DISC1: variants seen among roughly 807,000 people sequenced by gnomAD.
DISC1 encodes the protein disrupted in schizophrenia 1 protein.
A neutral mutation model predicts 84.5 loss-of-function variants in DISC1; 57 were observed. The ratio of observed to expected loss-of-function variants is 0.67; its 90% CI spans 0.55 to 0.84. The LOEUF is 0.84. DISC1 is among the 40% of genes least tolerant of loss of function. The pLI is 0.00. For synonymous variants in DISC1, 411 were observed against 415.2 expected, an observed-to-expected ratio of 0.99 and a Z score of 0.12; for missense variants, 1,000 against 1,057.8, an observed-to-expected ratio of 0.95 and a Z score of 0.76.
intron 6 of DISC1, among the ~76,000 whole-genome samples, chr1:231,788,518 C>G (rs1043368255): frequency 1.8e-4 from 28 of 152,246 alleles, no homozygotes; most frequent in Non-Finnish European, 2.9e-4. Flanking sequence ...TTGCAACAAC[C>G]CTATTTCCAA....
chr1:231,928,213 G>A (rs941503082), intron 9 of DISC1, among the ~76,000 whole-genome samples: 6 of 152,208 alleles, frequency 3.9e-5, no homozygotes, highest in African/African-American at 1.2e-4. Context: ...ATTAAAACTG[G>A]AGAGGCAAGG....
chr1:232,004,973 C>CTTCT (rs1667207890), intron 10 of DISC1, among the ~76,000 whole-genome samples: 3 of 111,122 alleles, frequency 2.7e-5, no homozygotes, highest in South Asian at 3.1e-4. Flanking sequence ...TCCTTCTTCC[C>CTTCT]TTCCTTCCAT....
intron 9 of DISC1, among the ~76,000 whole-genome samples, chr1:231,856,669 T>G (rs1233623352): frequency 2.0e-5 from 3 of 152,154 alleles, no homozygotes; most frequent in Non-Finnish European, 4.4e-5. Context: ...ATGATAATGG[T>G]TCCCAGTGCT....
At chr1:231,905,246 A>G (rs558037873) in intron 9 of DISC1, among the ~76,000 whole-genome samples, 5 of 152,314 alleles carry the variant, frequency 3.3e-5, no homozygotes, top group African/African-American at 1.2e-4. Flanking sequence ...ATGAGTAAAT[A>G]CCAGGGAAAC....
chr1:231,900,788 G>A (rs1450946261), intron 9 of DISC1, among the ~76,000 whole-genome samples: 3 of 152,166 alleles, frequency 2.0e-5, no homozygotes, highest in East Asian at 1.9e-4. Flanking sequence ...AAGGCAACTG[G>A]TAGTCTTCTA....
At chr1:231,665,323 G>C (rs559006104) in intron 1 of DISC1, among the ~76,000 whole-genome samples, 3 of 151,614 alleles carry the variant, frequency 2.0e-5, no homozygotes, top group African/African-American at 7.2e-5. Flanking sequence ...TTTTGTGTTT[G>C]GAGCAATACT....
At chr1:231,992,284 G>A (rs1665308489) in intron 10 of DISC1, among the ~76,000 whole-genome samples, 1 of 152,124 alleles carries the variant, frequency 6.6e-6, no homozygotes, top group Non-Finnish European at 1.5e-5. Flanking sequence ...TCTTTATATT[G>A]GATGCAAATC....
At chr1:231,722,037 C>T (rs1387421227) in intron 3 of DISC1, among the ~76,000 whole-genome samples, 2 of 151,416 alleles carry the variant, frequency 1.3e-5, no homozygotes, top group East Asian at 1.9e-4. Flanking sequence ...CCTGTAATCC[C>T]GGCTACTCGG....
intron 6 of DISC1, among the ~76,000 whole-genome samples, chr1:231,782,029 C>T (rs1392470829): frequency 6.6e-6 from 1 of 152,162 alleles, no homozygotes; most frequent in Non-Finnish European, 1.5e-5. Context: ...CTAAGATGAC[C>T]CAAAGCAAAG....
intron 10 of DISC1, among the ~76,000 whole-genome samples, chr1:232,002,457 C>G (rs1666812027): frequency 6.6e-6 from 1 of 152,088 alleles, no homozygotes; most frequent in Non-Finnish European, 1.5e-5. Context: ...CATAATATCC[C>G]CACACTAGGA....
chr1:231,958,785 G>T, intron 9 of DISC1, 43 bp from the exon 10 acceptor site: 1 of 1,575,490 alleles, frequency 6.3e-7, no homozygotes, highest in Non-Finnish European at 8.7e-7. Context: ...ATTCAATTGT[G>T]ACTGCAGTTG....
chr1:231,673,619 T>A (rs1335227151), intron 1 of DISC1, among the ~76,000 whole-genome samples: 2 of 152,236 alleles, frequency 1.3e-5, no homozygotes, highest in East Asian at 3.8e-4. Flanking sequence ...CTAGAAAAGA[T>A]CTTTCATTAG....
intron 10 of DISC1, among the ~76,000 whole-genome samples, chr1:231,970,727 G>A (rs553657195): frequency 6.6e-6 from 1 of 152,214 alleles, no homozygotes; most frequent in African/African-American, 2.4e-5. Context: ...CATTAAACAG[G>A]TTCCACTGTG....
At chr1:231,642,419 T>C (rs2059797799) in intron 1 of DISC1, among the ~76,000 whole-genome samples, 1 of 152,036 alleles carries the variant, frequency 6.6e-6, no homozygotes, top group Non-Finnish European at 1.5e-5. Context: ...GCAGAGGAGG[T>C]GCCGAGAGCG....
intron 3 of DISC1, chr1:231,721,052 C>G: frequency 3.1e-6 from 4 of 1,290,862 alleles, no homozygotes; most frequent in Non-Finnish European, 4.0e-6. Flanking sequence ...GGAACTTTTC[C>G]CAGCTTTTTT....
rs538406098 is a variant in DISC1 at position 231,859,439 on chromosome 1, C to G, written c.1981+40922C>G. On this transcript the variant is annotated intron_variant, in intron 9 of 12. Transcript: ENST00000439617. ...CATAGATGGTGCCTTTTCAATATGT[C>G]CTCCCATTCTGGAAGGGGCGAGGGA... is the stretch of plus-strand genomic sequence containing the variant. Among the ~76,000 whole-genome samples, 3 of 152,270 alleles carry G rather than the reference C, an allele frequency of 2.0e-5. No homozygotes were observed. In the South Asian group the frequency reaches 6.2e-4, roughly 32 times the overall value.
intron 12 of DISC1, among the ~76,000 whole-genome samples, chr1:232,032,380 A>G (rs770372903): frequency 1.3e-5 from 2 of 152,168 alleles, no homozygotes; most frequent in African/African-American, 4.8e-5. Flanking sequence ...TGGTACCCCA[A>G]ATGACAATAT....
chr1:231,663,665 C>T (rs1470353911), intron 1 of DISC1, among the ~76,000 whole-genome samples: 1 of 152,204 alleles, frequency 6.6e-6, no homozygotes, highest in African/African-American at 2.4e-5. Flanking sequence ...AACTTGCATC[C>T]TTTACCCTCC....
intron 1 of DISC1, among the ~76,000 whole-genome samples, chr1:231,663,400 CCT>C (rs1190931951): frequency 6.6e-6 from 1 of 152,164 alleles, no homozygotes; most frequent in Non-Finnish European, 1.5e-5. Flanking sequence ...GCTAGTCCAG[CCT>C]CTCTCATGAT....
Sources: gnomAD v4.1 joint callset for allele counts (sites outside exome capture counted in the v4.1 genomes callset) on GRCh38, gnomAD v4.1.1 for gene constraint, MANE v1.5 for transcripts, NCBI Gene and HGNC (gene_info 2026-07-23, HGNC 2026-07-21) for gene names.